ASIC2: variants seen among roughly 807,000 people sequenced by gnomAD.
The protein encoded by ASIC2 is acid sensing ion channel subunit 2, also known as acid-sensing ion channel 2.
Under a neutral mutation model 57.3 loss-of-function variants are expected in ASIC2, and 25 were observed. That is an observed-to-expected ratio of 0.44 (90% CI 0.32 to 0.61). ASIC2 has a LOEUF of 0.61. Ranked by LOEUF, ASIC2 falls within the 20% of genes least tolerant of loss-of-function variation. The probability of loss-of-function intolerance (pLI) is 0.06; values close to 1 mark genes in which losing one functional copy is unlikely to be tolerated. For synonymous variants in ASIC2, 319 were observed against 307.5 expected (o/e 1.04, Z -0.39); for missense variants, 641 against 738.1 (o/e 0.87, Z 1.52).
intron 1 of ASIC2, chr17:34,069,290 CTTTCCTT>C (rs1166013489): frequency 5.5e-5 from 7 of 127,812 alleles, no homozygotes; most frequent in African/African-American, 2.4e-4. Context: ...TTCTTCCTTT[CTTTCCTT>C]CTTCCTTCCT....
intron 1 of ASIC2, among the ~76,000 whole-genome samples, chr17:33,397,908 C>A (rs1420151786): frequency 1.3e-5 from 2 of 152,302 alleles, no homozygotes; most frequent in Middle Eastern, 3.4e-3. Context: ...TTAGTCGAAT[C>A]TTATTCTTTT....
intron 1 of ASIC2, among the ~76,000 whole-genome samples, chr17:34,111,144 C>T (rs8078681): frequency 0.049 from 7,492 of 151,730 alleles, 583 homozygotes; most frequent in African/African-American, 0.16. Context: ...GAGAATCACT[C>T]GAACCCAGGA....
intron 1 of ASIC2, among the ~76,000 whole-genome samples, chr17:33,831,394 T>A (rs765388205): frequency 2.0e-5 from 3 of 152,046 alleles, no homozygotes; most frequent in Non-Finnish European, 4.4e-5. Flanking sequence ...GCTGGGAAAG[T>A]TCCACAGTAT....
rs116354521 is a variant in ASIC2 at position 33,887,249 on chromosome 17, C to T, written c.555+268729G>A. ...ACATGCATTGTATTGTGTACTGCTA[C>T]GTACCAGAACAGTGCCAAGCACTGG... is the stretch of plus-strand genomic sequence containing the variant. On this transcript the variant is annotated intron_variant, in intron 1 of 9. Transcript: ENST00000359872. Among the ~76,000 whole-genome samples, 763 of 152,298 alleles carry T rather than the reference C, an allele frequency of 5.0e-3. 8 individuals are homozygous for T. The highest frequency in any genetic ancestry group is 0.017 in the African/African-American group (724 of 41,568).
chr17:34,133,848 T>A (rs1380610801), intron 1 of ASIC2, among the ~76,000 whole-genome samples: 1 of 152,206 alleles, frequency 6.6e-6, no homozygotes, highest in Non-Finnish European at 1.5e-5. Context: ...TACTGGGTAA[T>A]GTCTGGAGCT....
chr17:33,660,101 A>G (rs1398670060), intron 1 of ASIC2, among the ~76,000 whole-genome samples: 1 of 151,620 alleles, frequency 6.6e-6, no homozygotes, highest in Non-Finnish European at 1.5e-5. Flanking sequence ...AAACGAAACA[A>G]AAATGATACA....
chr17:34,036,073 A>G (rs964118221), intron 1 of ASIC2, among the ~76,000 whole-genome samples: 1 of 152,146 alleles, frequency 6.6e-6, no homozygotes, highest in East Asian at 1.9e-4. Context: ...ACATGCACAC[A>G]TATGTTTATA....
chr17:33,639,424 G>A (rs978441875), intron 1 of ASIC2, among the ~76,000 whole-genome samples: 5 of 152,016 alleles, frequency 3.3e-5, no homozygotes, highest in East Asian at 3.9e-4. Context: ...CTTTTTCTTC[G>A]TTCCAAATCT....
chr17:33,421,356 C>A (rs1911036049), intron 1 of ASIC2, among the ~76,000 whole-genome samples: 1 of 152,196 alleles, frequency 6.6e-6, no homozygotes, highest in East Asian at 1.9e-4. Context: ...CTGGGCAAGT[C>A]CCATCCATAT....
chr17:33,915,346 C>T (rs1426146899), intron 1 of ASIC2, among the ~76,000 whole-genome samples: 1 of 152,180 alleles, frequency 6.6e-6, no homozygotes, highest in Non-Finnish European at 1.5e-5. Flanking sequence ...TGGGCCCCAC[C>T]TCCCTCCAGG....
intron 1 of ASIC2, chr17:33,688,779 C>CATT (rs1908275240): frequency 6.6e-6 from 1 of 152,206 alleles, no homozygotes; most frequent in Non-Finnish European, 1.5e-5. Flanking sequence ...GCCATGGGGT[C>CATT]ATTATCCCCA....
At chr17:33,770,127 C>T (rs1911050591) in intron 1 of ASIC2, among the ~76,000 whole-genome samples, 1 of 152,216 alleles carries the variant, frequency 6.6e-6, no homozygotes, top group African/African-American at 2.4e-5. Context: ...AATCCAGCTG[C>T]TTGTATCACT....
At chr17:33,435,479 C>T (rs967356717) in intron 1 of ASIC2, among the ~76,000 whole-genome samples, 1 of 152,142 alleles carries the variant, frequency 6.6e-6, no homozygotes, top group Non-Finnish European at 1.5e-5. Context: ...AAATGCATCA[C>T]ACATATTAAT....
chr17:33,830,057 T>C (rs1199460675), intron 1 of ASIC2, among the ~76,000 whole-genome samples: 1 of 152,252 alleles, frequency 6.6e-6, no homozygotes, highest in African/African-American at 2.4e-5. Flanking sequence ...ACCCTATTCA[T>C]AGGCAACTTT....
chr17:33,379,153 A>G (rs1315939770), intron 1 of ASIC2, among the ~76,000 whole-genome samples: 1 of 152,178 alleles, frequency 6.6e-6, no homozygotes, highest in Non-Finnish European at 1.5e-5. Flanking sequence ...TTTCACGGGT[A>G]GTGATGGTGA....
At chr17:33,384,238 C>T (rs1015129024) in intron 1 of ASIC2, among the ~76,000 whole-genome samples, 2 of 152,192 alleles carry the variant, frequency 1.3e-5, no homozygotes, top group Non-Finnish European at 2.9e-5. Context: ...CATGATTGCC[C>T]TTTCCAAATA....
chr17:33,408,443 T>A (rs1910542488), intron 1 of ASIC2, among the ~76,000 whole-genome samples: 1 of 152,194 alleles, frequency 6.6e-6, no homozygotes, highest in South Asian at 2.1e-4. Flanking sequence ...TGAATATGTA[T>A]CCGGTACTTA....
At chr17:33,154,659 G>T (rs1003513631) in intron 1 of ASIC2, among the ~76,000 whole-genome samples, 1 of 152,128 alleles carries the variant, frequency 6.6e-6, no homozygotes, top group Admixed American at 6.5e-5. Flanking sequence ...TTTAAGACAC[G>T]CACCTTGGCC....
intron 1 of ASIC2, among the ~76,000 whole-genome samples, chr17:33,858,134 T>C (rs1014528224): frequency 1.3e-5 from 2 of 152,160 alleles, no homozygotes; most frequent in African/African-American, 4.8e-5. Flanking sequence ...CATCTTCCAC[T>C]CTGGGCCAGT....
Sources: gnomAD v4.1 joint callset for allele counts (sites outside exome capture counted in the v4.1 genomes callset) on GRCh38, gnomAD v4.1.1 for gene constraint, MANE v1.5 for transcripts, NCBI Gene and HGNC (gene_info 2026-07-23, HGNC 2026-07-21) for gene names.